CCDC171: variants seen among roughly 807,000 people sequenced by gnomAD.
The protein encoded by CCDC171 is coiled-coil domain containing 171.
Under a neutral mutation model 168.2 loss-of-function variants are expected in CCDC171, and 177 were observed. That is an observed-to-expected ratio of 1.05 (90% CI 0.93 to 1.19). CCDC171 has a LOEUF of 1.19. Among genes scored for constraint, CCDC171 ranks in the 50% most tolerant of loss-of-function variants. The pLI is 0.00. For missense variants in CCDC171, 1,991 were observed against 1,539.0 expected, an observed-to-expected ratio of 1.29 and a Z score of -4.91; for synonymous variants, 687 against 540.8, an observed-to-expected ratio of 1.27 and a Z score of -3.75.
chr9:15,826,426 A>T (rs1008318737), intron 21 of CCDC171, among the ~76,000 whole-genome samples: 2 of 152,084 alleles, frequency 1.3e-5, no homozygotes, highest in African/African-American at 4.8e-5. Context: ...TGCTACTCCC[A>T]TATCAAGATG....
intron 25 of CCDC171, among the ~76,000 whole-genome samples, chr9:15,937,157 T>C (rs1258349019): frequency 6.6e-6 from 1 of 152,046 alleles, no homozygotes; most frequent in Non-Finnish European, 1.5e-5. Context: ...CCGCCCAATT[T>C]TATTACACCT....
chr9:15,573,345 G>A (rs1276332618), intron 3 of CCDC171, among the ~76,000 whole-genome samples: 1 of 151,966 alleles, frequency 6.6e-6, no homozygotes, highest in African/African-American at 2.4e-5. Flanking sequence ...GAGCGATCTC[G>A]GCTCACTGCA....
intron 11 of CCDC171, among the ~76,000 whole-genome samples, chr9:15,708,669 C>G (rs977215071): frequency 3.3e-5 from 5 of 149,636 alleles, no homozygotes; most frequent in Admixed American, 6.6e-5. Flanking sequence ...CTCTAGGAAT[C>G]AAGACAAAAA....
chr9:15,698,002 A>T (rs1229333662), intron 11 of CCDC171, among the ~76,000 whole-genome samples: 1 of 152,166 alleles, frequency 6.6e-6, no homozygotes, highest in African/African-American at 2.4e-5. Context: ...ATTTCTTTCT[A>T]TTGGGAACAT....
the CCDC171 span, among the ~76,000 whole-genome samples, chr9:16,083,613 C>G: frequency 6.6e-6 from 1 of 152,026 alleles, no homozygotes; most frequent in Non-Finnish European, 1.5e-5. Context: ...CTTTTTAGGA[C>G]GAGGGTGGAG....
intron 1 of CCDC171, among the ~76,000 whole-genome samples, chr9:16,052,023 C>T (rs145898162): frequency 3.3e-5 from 5 of 152,204 alleles, no homozygotes; most frequent in African/African-American, 4.8e-5. Context: ...GGAGAAAAAC[C>T]TGCCCCCATG....
intron 3 of CCDC171, among the ~76,000 whole-genome samples, chr9:15,984,127 G>A (rs957181793): frequency 1.3e-5 from 2 of 152,218 alleles, no homozygotes; most frequent in African/African-American, 4.8e-5. Flanking sequence ...AACAAGATAA[G>A]AAAGAAGGTA....
intron 3 of CCDC171, among the ~76,000 whole-genome samples, chr9:15,981,877 C>G (rs1055808403): frequency 1.3e-5 from 2 of 152,114 alleles, no homozygotes; most frequent in African/African-American, 2.4e-5. Flanking sequence ...TCCTCCCAGC[C>G]AGAAGGAATT....
the CCDC171 span, among the ~76,000 whole-genome samples, chr9:16,067,232 ATG>A: frequency 5.9e-5 from 9 of 151,802 alleles, no homozygotes; most frequent in Admixed American, 2.6e-4. Context: ...GCATTTTTTC[ATG>A]TGTTTTTTGG....
chr9:15,980,264 A>C (rs16933863), intron 3 of CCDC171, among the ~76,000 whole-genome samples: 11,609 of 152,216 alleles, frequency 0.076, 1,452 homozygotes, highest in African/African-American at 0.26. Flanking sequence ...AACAGGAATA[A>C]TCTGCCCCCG....
intron 21 of CCDC171, among the ~76,000 whole-genome samples, chr9:15,834,931 A>G (rs999500981): frequency 3.3e-5 from 5 of 152,226 alleles, no homozygotes; most frequent in African/African-American, 4.8e-5. Flanking sequence ...CATTTCTGTG[A>G]TGGAAATAGA....
intron 7 of CCDC171, among the ~76,000 whole-genome samples, chr9:15,630,303 T>G (rs2045570549): frequency 6.6e-6 from 1 of 152,004 alleles, no homozygotes; most frequent in Non-Finnish European, 1.5e-5. Flanking sequence ...GAGACACACA[T>G]AGGCTCAAAA....
rs137880034 is a variant in CCDC171 at position 15,756,504 on chromosome 9, C to G, written c.2671+10873C>G. Among the ~76,000 whole-genome samples, 882 of 152,166 alleles carry G rather than the reference C, an allele frequency of 5.8e-3. 2 individuals carry two copies. Among genetic ancestry groups the G allele is most frequent in the Non-Finnish European group, 9.4e-3 (639 of 68,002 alleles). ...TCACCCAGGTAGTGAGCATAGTACC[C>G]AGTAGGCAGTTTTTCAGCCCTTACC... On this transcript the variant is annotated intron_variant, in intron 18 of 25. Transcript: ENST00000380701.
At chr9:16,059,501 T>C (rs1833895857) in intron 1 of CCDC171, among the ~76,000 whole-genome samples, 2 of 142,134 alleles carry the variant, frequency 1.4e-5, no homozygotes, top group African/African-American at 2.7e-5. Flanking sequence ...CTTTTTTTTT[T>C]TTTCTTTTTT....
chr9:15,699,477 C>T (rs1167752944), intron 11 of CCDC171, among the ~76,000 whole-genome samples: 1 of 152,108 alleles, frequency 6.6e-6, no homozygotes, highest in Non-Finnish European at 1.5e-5. Context: ...TTATCCGGCC[C>T]CACCCACGTC....
chr9:15,768,130 T>A (rs1412119538), intron 18 of CCDC171, among the ~76,000 whole-genome samples: 1 of 150,980 alleles, frequency 6.6e-6, no homozygotes, highest in Admixed American at 6.6e-5. Flanking sequence ...CCAAATATTA[T>A]CTGTAACCTA....
Position 16,009,450 on chromosome 9 carries a change from A to G in CCDC171, n.369-11139A>G, listed in dbSNP as rs137855320. Among the ~76,000 whole-genome samples the G allele has an allele frequency of 2.5e-3, 385 of 152,272 alleles. 2 individuals are homozygous for G. Among genetic ancestry groups the G allele is most frequent in the Admixed American group, 4.8e-3 (74 of 15,292 alleles). On this transcript the variant is annotated intron_variant and non_coding_transcript_variant, in intron 3 of 9. Coordinates refer to the CCDC171 transcript ENST00000486641. ...TAATTAGAAACATTCTTACTTAAAT[A>G]ATTATTTTTCTAATAAAAAAGGAGA...
At chr9:15,590,945 G>C (rs2041967701) in intron 4 of CCDC171, among the ~76,000 whole-genome samples, 1 of 151,070 alleles carries the variant, frequency 6.6e-6, no homozygotes, top group Admixed American at 6.6e-5. Context: ...GAACTCCTAG[G>C]CTCAAGTGAT....
At chr9:16,030,811 G>A (rs943106085) in intron 6 of CCDC171, among the ~76,000 whole-genome samples, 3 of 152,190 alleles carry the variant, frequency 2.0e-5, no homozygotes, top group African/African-American at 7.2e-5. Flanking sequence ...CACTCCATGT[G>A]ATCGCTTCCC....
Sources: allele counts gnomAD v4.1 joint callset (sites outside exome capture counted in the v4.1 genomes callset), GRCh38; gene constraint gnomAD v4.1.1; transcripts MANE v1.5; gene names NCBI Gene and HGNC (gene_info 2026-07-23, HGNC 2026-07-21).